The following SPMIP2 variants were observed in gnomAD, a reference collection of about 807,000 sequenced individuals.
SPMIP2 encodes the protein protein SPMIP2.
chr4:158,985,542 A>G, the SPMIP2 span, among the ~76,000 whole-genome samples: 1 of 152,240 alleles, frequency 6.6e-6, no homozygotes, highest in Non-Finnish European at 1.5e-5. Context: ...CCAGATGATT[A>G]TCTCAATAGA....
chr4:158,976,276 A>C, the SPMIP2 span, among the ~76,000 whole-genome samples: 1 of 152,190 alleles, frequency 6.6e-6, no homozygotes, highest in African/African-American at 2.4e-5. Context: ...GAATACATTT[A>C]TTTCTTTCTC....
At chr4:158,981,688 C>CAA in the SPMIP2 span, among the ~76,000 whole-genome samples, 1 of 151,532 alleles carries the variant, frequency 6.6e-6, no homozygotes, top group African/African-American at 2.4e-5. Context: ...GCCTGCCTTA[C>CAA]AAGAGCTCCT....
the SPMIP2 span, among the ~76,000 whole-genome samples, chr4:158,963,030 G>A: frequency 6.6e-6 from 1 of 152,060 alleles, no homozygotes; most frequent in Non-Finnish European, 1.5e-5. Context: ...TAAACATTGG[G>A]TTCTGTGAGT....
At chr4:158,894,248 G>A in the SPMIP2 span, among the ~76,000 whole-genome samples, 1 of 147,058 alleles carries the variant, frequency 6.8e-6, no homozygotes, top group Non-Finnish European at 1.5e-5. Flanking sequence ...TTGGCTCACT[G>A]CAGCCTTGAC....
the SPMIP2 span, among the ~76,000 whole-genome samples, chr4:159,016,282 T>C: frequency 6.6e-6 from 1 of 152,148 alleles, no homozygotes; most frequent in Non-Finnish European, 1.5e-5. Context: ...ATTAAAAACT[T>C]CATAGTTTTC....
the SPMIP2 span, among the ~76,000 whole-genome samples, chr4:159,006,414 A>G: frequency 6.6e-6 from 1 of 152,176 alleles, no homozygotes; most frequent in African/African-American, 2.4e-5. Context: ...CACCCTGCCA[A>G]TGCAATGCAA....
At chr4:158,976,265 T>A in the SPMIP2 span, among the ~76,000 whole-genome samples, 1 of 152,202 alleles carries the variant, frequency 6.6e-6, no homozygotes, top group African/African-American at 2.4e-5. Flanking sequence ...TCTTCCTATT[T>A]GAATACATTT....
At chr4:159,004,771 A>G in the SPMIP2 span, among the ~76,000 whole-genome samples, 1 of 152,090 alleles carries the variant, frequency 6.6e-6, no homozygotes, top group African/African-American at 2.4e-5. Context: ...AGTAAGTGTC[A>G]AGCTGTTTTT....
chr4:159,014,977 G>A, the SPMIP2 span, among the ~76,000 whole-genome samples: 1,420 of 152,230 alleles, frequency 9.3e-3, 9 homozygotes, highest in Non-Finnish European at 0.015. Flanking sequence ...TTTTCATTAT[G>A]CATTGCAACT....
At chr4:159,047,886 A>C in the SPMIP2 span, among the ~76,000 whole-genome samples, 1 of 152,250 alleles carries the variant, frequency 6.6e-6, no homozygotes, top group Admixed American at 6.5e-5. Context: ...TAAATGAATA[A>C]GAAGACGGGG....
chr4:158,908,152 GTTTTTAACCGGGGTGT>G, the SPMIP2 span: 1 of 152,136 alleles, frequency 6.6e-6, no homozygotes, highest in Non-Finnish European at 1.5e-5. Flanking sequence ...TATCTCAGTG[GTTTTTAACCGGGGTGT>G]TTTGGAAATG....
chr4:158,972,992 AC>A, the SPMIP2 span: 1 of 872,836 alleles, frequency 1.1e-6, no homozygotes, highest in Non-Finnish European at 1.7e-6. Flanking sequence ...GAAATCAAGC[AC>A]CCGACATTTC....
chr4:158,992,057 AATTATT>A, the SPMIP2 span, among the ~76,000 whole-genome samples: 2 of 151,986 alleles, frequency 1.3e-5, no homozygotes, highest in Admixed American at 6.6e-5. Flanking sequence ...ACATTTGGCT[AATTATT>A]ATTATTATTT....
At chr4:159,008,954 T>C in the SPMIP2 span, among the ~76,000 whole-genome samples, 4 of 152,214 alleles carry the variant, frequency 2.6e-5, no homozygotes, top group African/African-American at 9.7e-5. Flanking sequence ...CATTCGATCA[T>C]CCAATATTTT....
the SPMIP2 span, among the ~76,000 whole-genome samples, chr4:158,989,544 T>A: frequency 6.6e-6 from 1 of 152,056 alleles, no homozygotes; most frequent in Non-Finnish European, 1.5e-5. Context: ...TATAGACCGA[T>A]GGAACAGAAC....
the SPMIP2 span, chr4:158,973,458 T>C: frequency 2.3e-6 from 1 of 428,174 alleles, no homozygotes; most frequent in Non-Finnish European, 4.1e-6. Flanking sequence ...GACATGTTAA[T>C]TCTTATTAAT....
chr4:159,007,775 C>A, the SPMIP2 span: 1 of 587,506 alleles, frequency 1.7e-6, no homozygotes, highest in Non-Finnish European at 3.3e-6. Flanking sequence ...AACATATCAG[C>A]AGCAGCAACC....
chr4:158,985,898 C>T, the SPMIP2 span, among the ~76,000 whole-genome samples: 4 of 151,218 alleles, frequency 2.6e-5, no homozygotes, highest in African/African-American at 9.7e-5. Context: ...TTGTCTCAGC[C>T]CAAAATCTCC....
At chr4:158,912,793 G>A in the SPMIP2 span, among the ~76,000 whole-genome samples, 1 of 152,210 alleles carries the variant, frequency 6.6e-6, no homozygotes, top group Non-Finnish European at 1.5e-5. Context: ...TGGAAATTTA[G>A]AAGAAAGCCT....
Sources: gnomAD v4.1 joint callset for allele counts (sites outside exome capture counted in the v4.1 genomes callset) on GRCh38, gnomAD v4.1.1 for gene constraint, MANE v1.5 for transcripts, NCBI Gene and HGNC (gene_info 2026-07-23, HGNC 2026-07-21) for gene names.